GPC3: variants seen among roughly 807,000 people sequenced by gnomAD.
GPC3 encodes glypican-3.
GPC3 carries 3 observed loss-of-function variants against 34.4 expected under a neutral mutation model. That is an observed-to-expected ratio of 0.09 (90% confidence interval 0.04 to 0.23). The LOEUF is 0.23. GPC3 is among the 10% of genes least tolerant of loss of function. GPC3 has a pLI of 1.00. For synonymous variants in GPC3, 177 were observed against 174.0 expected (o/e 1.02, Z -0.13); for missense variants, 351 against 445.6 (o/e 0.79, Z 1.91).
chrX:133,926,017 C>T (rs2076273344), intron 2 of GPC3, among the ~76,000 whole-genome samples: 1 of 111,153 alleles, frequency 9.0e-6, no homozygotes, highest in African/African-American at 3.3e-5. Context: ...CACTCCAAAA[C>T]CAAATGACCA....
At chrX:133,953,301 C>T in intron 1 of GPC3, 90 bp from the exon 2 acceptor site, 1 of 716,934 alleles carries the variant, frequency 1.4e-6, no homozygotes, top group Admixed American at 2.2e-5. Context: ...TACACACACA[C>T]TCACACATGG....
intron 5 of GPC3, among the ~76,000 whole-genome samples, chrX:133,674,489 T>C (rs1371106594): frequency 8.9e-6 from 1 of 111,908 alleles, no homozygotes; most frequent in Non-Finnish European, 1.9e-5. Context: ...TGGCTGGCTC[T>C]GAGCATTTAA....
intron 2 of GPC3, among the ~76,000 whole-genome samples, chrX:133,850,203 T>TTG: frequency 9.7e-6 from 1 of 102,814 alleles, no homozygotes; most frequent in African/African-American, 3.7e-5. Flanking sequence ...TGTTTTTTTT[T>TTG]TTTTTTTTTT....
At chrX:133,627,227 T>C (rs1184041370) in intron 6 of GPC3, among the ~76,000 whole-genome samples, 1 of 106,085 alleles carries the variant, frequency 9.4e-6, no homozygotes, top group Non-Finnish European at 1.9e-5. Flanking sequence ...GACGAGTCAA[T>C]GGGTGCAGCA....
intron 2 of GPC3, among the ~76,000 whole-genome samples, chrX:133,900,125 A>G (rs1439386082): frequency 8.9e-6 from 1 of 112,070 alleles, no homozygotes; most frequent in Non-Finnish European, 1.9e-5. Flanking sequence ...TTTAAATTCA[A>G]CTTAAACTAA....
chrX:133,896,017 A>T (rs1032299246), intron 2 of GPC3, among the ~76,000 whole-genome samples: 8 of 111,719 alleles, frequency 7.2e-5, no homozygotes, highest in African/African-American at 2.6e-4. Context: ...GCAAAGAATC[A>T]CAGTGCTTCT....
chrX:133,864,149 G>C (rs372711717), intron 2 of GPC3, among the ~76,000 whole-genome samples: 2 of 111,159 alleles, frequency 1.8e-5, no homozygotes, highest in African/African-American at 6.6e-5. Flanking sequence ...GTGGCATGGG[G>C]GAAGAGAGGG....
chrX:133,625,660 T>TAA (rs2070291231), intron 6 of GPC3, among the ~76,000 whole-genome samples: 1 of 110,713 alleles, frequency 9.0e-6, no homozygotes, highest in Non-Finnish European at 1.9e-5. Flanking sequence ...CTCAATGAAA[T>TAA]AAGAGGACAC....
rs182179130 is a variant in GPC3 at position 133,596,266 on chromosome X, G to A, written c.1573+174C>T. ...GTTGGAAATGGTGGGAGGAAAAGAAGGAGGCTACCTGAGAACTTCACTTTC... is the reference window on the plus strand; with the variant it reads ...GTTGGAAATGGTGGGAGGAAAAGAAAGAGGCTACCTGAGAACTTCACTTTC... On this transcript the variant is annotated intron_variant, in intron 7 of 7. Transcript: ENST00000370818. 40 of 473,936 alleles carry A rather than the reference G, an allele frequency of 8.4e-5. No individual in the cohort carries two copies. The African/African-American group carries it at 8.5e-4, about 10-fold the overall frequency. The allele number at this position is 473,936 out of a possible 1,213,427, so 39.1% of individuals were successfully genotyped here. A position where few individuals can be genotyped will look rare whatever the true frequency, so the allele number is the denominator to read the frequency against.
chrX:133,622,917 G>A (rs982147969), intron 6 of GPC3, among the ~76,000 whole-genome samples: 7 of 111,779 alleles, frequency 6.3e-5, no homozygotes, highest in South Asian at 3.8e-4. Flanking sequence ...GAGAAAGGTC[G>A]GGTTACCCAC....
At chrX:133,649,776 G>A (rs1205829899) in intron 6 of GPC3, among the ~76,000 whole-genome samples, 1 of 111,247 alleles carries the variant, frequency 9.0e-6, no homozygotes, top group East Asian at 2.8e-4. Context: ...ATTTTCCATG[G>A]TATCCCAGGC....
chrX:133,816,249 C>A (rs1286555888), intron 2 of GPC3, among the ~76,000 whole-genome samples: 1 of 111,241 alleles, frequency 9.0e-6, no homozygotes, highest in Non-Finnish European at 1.9e-5. Flanking sequence ...AAGACCAGGT[C>A]TCACTTTGTC....
At chrX:133,879,906 T>C (rs2076034269) in intron 2 of GPC3, among the ~76,000 whole-genome samples, 1 of 112,108 alleles carries the variant, frequency 8.9e-6, no homozygotes. Context: ...TTTTACATAG[T>C]TTAAACTGTT....
intron 3 of GPC3, among the ~76,000 whole-genome samples, chrX:133,722,421 G>A (rs1171048844): frequency 9.0e-6 from 1 of 111,386 alleles, no homozygotes. Flanking sequence ...CACATAGCAC[G>A]GTATGTTAGA....
At chrX:133,629,388 T>TTTTG (rs376115590) in intron 6 of GPC3, among the ~76,000 whole-genome samples, 4,891 of 110,504 alleles carry the variant, frequency 0.044, 331 homozygotes, top group African/African-American at 0.15. Flanking sequence ...TATGATTCTT[T>TTTTG]TTTGTTTGTT....
intron 5 of GPC3, among the ~76,000 whole-genome samples, chrX:133,678,293 C>T (rs1283462566): frequency 1.8e-5 from 2 of 111,639 alleles, no homozygotes; most frequent in Non-Finnish European, 3.8e-5. Flanking sequence ...TGAAGTCCCA[C>T]TGTACCCTTA....
chrX:133,687,145 T>C (rs1432700375), intron 5 of GPC3, among the ~76,000 whole-genome samples: 1 of 90,444 alleles, frequency 1.1e-5, no homozygotes, highest in African/African-American at 4.4e-5. Context: ...GGTTTCACCG[T>C]GTTAGCCAGG....
chrX:133,848,000 A>T (rs1056542352), intron 2 of GPC3, among the ~76,000 whole-genome samples: 2 of 112,371 alleles, frequency 1.8e-5, no homozygotes, highest in Non-Finnish European at 3.8e-5. Flanking sequence ...CAATGCTGCC[A>T]CTTCAATGAA....
At chrX:133,620,137 T>C (rs1382635955) in intron 6 of GPC3, among the ~76,000 whole-genome samples, 1 of 104,645 alleles carries the variant, frequency 9.6e-6, no homozygotes, top group Admixed American at 1.0e-4. Context: ...GGAGAATCAC[T>C]TGAACCCAGG....
Sources: gnomAD v4.1 joint callset for allele counts (sites outside exome capture counted in the v4.1 genomes callset) on GRCh38, gnomAD v4.1.1 for gene constraint, MANE v1.5 for transcripts, NCBI Gene and HGNC (gene_info 2026-07-23, HGNC 2026-07-21) for gene names.